The following ULK4 variants were observed in gnomAD, a reference collection of about 807,000 sequenced individuals.
ULK4 encodes unc-51 like kinase 4, also known as inactive serine/threonine-protein kinase ULK4.
Under a neutral mutation model 160.6 loss-of-function variants are expected in ULK4, and 133 were observed. The ratio of observed to expected loss-of-function variants is 0.83; its 90% CI spans 0.72 to 0.96. ULK4 has a LOEUF of 0.96. Ranked by LOEUF, ULK4 falls within the 40% of genes least tolerant of loss-of-function variation. ULK4 has a pLI of 0.00. For synonymous variants in ULK4, 534 were observed against 539.8 expected (o/e 0.99, Z 0.15); for missense variants, 1,580 against 1,499.5 (o/e 1.05, Z -0.89).
chr3:41,736,500 G>A (rs1164910006), intron 22 of ULK4, among the ~76,000 whole-genome samples: 1 of 151,986 alleles, frequency 6.6e-6, no homozygotes, highest in Non-Finnish European at 1.5e-5. Context: ...CTTTTGAGAA[G>A]TGTCTGTTCA....
At chr3:41,949,073 A>G (rs6599190) in intron 2 of ULK4, among the ~76,000 whole-genome samples, 143,049 of 152,006 alleles carry the variant, frequency 0.94, 67,912 homozygotes, top group South Asian at 1. Flanking sequence ...TTTGGAGGCC[A>G]AGGTGGGCAA....
chr3:41,681,933 C>T, intron 27 of ULK4, 129 bp from the exon 28 acceptor site: 1 of 921,636 alleles, frequency 1.1e-6, no homozygotes, highest in Non-Finnish European at 1.7e-6. Context: ...CTAAGTTTAT[C>T]CTGGATTTAA....
intron 17 of ULK4, among the ~76,000 whole-genome samples, chr3:41,843,431 C>T (rs889322338): frequency 2.0e-5 from 3 of 152,052 alleles, no homozygotes; most frequent in Non-Finnish European, 4.4e-5. Flanking sequence ...TTCTTAAAGG[C>T]GGTGTGTCGG....
intron 30 of ULK4, among the ~76,000 whole-genome samples, chr3:41,656,798 T>A (rs553938315): frequency 6.6e-6 from 1 of 152,318 alleles, no homozygotes; most frequent in African/African-American, 2.4e-5. Context: ...ATAACAACAA[T>A]TCTTAGATAC....
intron 32 of ULK4, among the ~76,000 whole-genome samples, chr3:41,548,118 C>A (rs1244499065): frequency 1.3e-5 from 2 of 152,156 alleles, no homozygotes; most frequent in Admixed American, 1.3e-4. Flanking sequence ...GCCACCTGAG[C>A]ACACCATACA....
chr3:41,721,016 C>T (rs2037435333), intron 22 of ULK4, among the ~76,000 whole-genome samples: 1 of 151,888 alleles, frequency 6.6e-6, no homozygotes, highest in Non-Finnish European at 1.5e-5. Flanking sequence ...TAGAATGCGG[C>T]TGTCAAAAAG....
chr3:41,695,927 G>A (rs146997509), intron 27 of ULK4, among the ~76,000 whole-genome samples: 8,203 of 152,244 alleles, frequency 0.054, 726 homozygotes, highest in African/African-American at 0.19. Context: ...ATAGTGAGAA[G>A]TGACCAGAAG....
At chr3:41,479,862 T>A (rs1265160416) in intron 32 of ULK4, among the ~76,000 whole-genome samples, 1 of 152,180 alleles carries the variant, frequency 6.6e-6, no homozygotes, top group East Asian at 1.9e-4. Context: ...CATTTTTCCT[T>A]ATCATACTCT....
chr3:41,458,053 G>C (rs147387400), intron 33 of ULK4, among the ~76,000 whole-genome samples: 4 of 152,176 alleles, frequency 2.6e-5, no homozygotes, highest in Non-Finnish European at 4.4e-5. Context: ...TCTGGTTTGC[G>C]TGGCAGGGTG....
chr3:41,579,224 C>T (rs1289713788), intron 31 of ULK4, among the ~76,000 whole-genome samples: 1 of 151,958 alleles, frequency 6.6e-6, no homozygotes, highest in Non-Finnish European at 1.5e-5. Context: ...GTTTATATGT[C>T]GAAATGGCTT....
intron 21 of ULK4, among the ~76,000 whole-genome samples, chr3:41,779,784 A>G (rs1032797197): frequency 1.1e-5 from 1 of 87,272 alleles, no homozygotes; most frequent in South Asian, 4.2e-4. Context: ...GAATTGAACA[A>G]TGAGATCACT....
chr3:41,923,175 AT>A (rs1469079144), intron 5 of ULK4, among the ~76,000 whole-genome samples: 1 of 151,806 alleles, frequency 6.6e-6, no homozygotes, highest in Non-Finnish European at 1.5e-5. Flanking sequence ...TCTCAAAAAA[AT>A]AAATAAATAA....
At position 41,463,076 on chromosome 3, in the gene ULK4, A is replaced by C; in HGVS notation, c.3393+11T>G. The stretch of plus-strand genomic sequence containing the variant: ...AGGGCTGCTCAAGACACAGGAAAAC[A>C]GATCCTCTACCTGCAAAGCCAGCCG... On this transcript the variant is annotated intron_variant, in intron 33 of 36. Transcript: ENST00000301831. The C allele has an allele frequency of 2.5e-6, 4 of 1,611,764 alleles. 1 individual carries two copies. The highest frequency in any genetic ancestry group is 3.4e-6 in the Non-Finnish European group (4 of 1,178,540).
intron 17 of ULK4, among the ~76,000 whole-genome samples, chr3:41,841,765 A>G (rs1415564358): frequency 1.3e-5 from 2 of 152,324 alleles, no homozygotes; most frequent in Non-Finnish European, 1.5e-5. Flanking sequence ...AGAAGTTGAC[A>G]TAGGAGATAC....
intron 34 of ULK4, among the ~76,000 whole-genome samples, chr3:41,410,449 A>G (rs2082388093): frequency 6.6e-6 from 1 of 152,202 alleles, no homozygotes; most frequent in Admixed American, 6.5e-5. Flanking sequence ...ATATATATGA[A>G]ATACCCAAAA....
At chr3:41,565,889 G>A in intron 32 of ULK4, 136 bp downstream of exon 32, 2 of 612,532 alleles carry the variant, frequency 3.3e-6, no homozygotes, top group South Asian at 4.7e-5. Context: ...TCCAAATTTT[G>A]CTAGTAATAT....
At chr3:41,327,312 A>C (rs555323951) in intron 35 of ULK4, among the ~76,000 whole-genome samples, 2 of 151,690 alleles carry the variant, frequency 1.3e-5, no homozygotes, top group South Asian at 4.1e-4. Flanking sequence ...TGGCCTTTTA[A>C]TTTACCTTAT....
At chr3:41,668,120 TAAA>T (rs987138714) in intron 29 of ULK4, among the ~76,000 whole-genome samples, 8 of 152,310 alleles carry the variant, frequency 5.3e-5, no homozygotes, top group African/African-American at 1.9e-4. Flanking sequence ...AACTGTATAA[TAAA>T]GAAGTCCATT....
intron 34 of ULK4, among the ~76,000 whole-genome samples, chr3:41,424,494 A>G (rs1412672302): frequency 6.6e-6 from 1 of 152,144 alleles, no homozygotes; most frequent in Non-Finnish European, 1.5e-5. Context: ...AGGTTGCCAG[A>G]CACCTTATAC....
Sources: gnomAD v4.1 joint callset for allele counts (sites outside exome capture counted in the v4.1 genomes callset) on GRCh38, gnomAD v4.1.1 for gene constraint, MANE v1.5 for transcripts, NCBI Gene and HGNC (gene_info 2026-07-23, HGNC 2026-07-21) for gene names.